ROBO1: variants seen among roughly 807,000 people sequenced by gnomAD.
The protein encoded by ROBO1 is roundabout guidance receptor 1.
In ROBO1, 149 loss-of-function variants were observed where a neutral mutation model predicts 195.9. That is an observed-to-expected ratio of 0.76 (90% CI 0.67 to 0.87). The LOEUF (loss-of-function observed/expected upper bound fraction) is 0.87. Ranked by LOEUF, ROBO1 falls within the 40% of genes least tolerant of loss-of-function variation. The pLI is 0.00. For missense variants in ROBO1, 1,933 were observed against 2,068.3 expected (o/e 0.93, Z 1.27); for synonymous variants, 816 against 733.2 (o/e 1.11, Z -1.82).
intron 1 of ROBO1, among the ~76,000 whole-genome samples, chr3:79,630,052 A>G (rs1337216759): frequency 1.3e-5 from 2 of 152,056 alleles, no homozygotes; most frequent in African/African-American, 2.4e-5. Context: ...ATTTTACAAG[A>G]TATACAATAA....
At chr3:79,169,655 T>C (rs1320314961) in intron 2 of ROBO1, among the ~76,000 whole-genome samples, 1 of 152,160 alleles carries the variant, frequency 6.6e-6, no homozygotes, top group Non-Finnish European at 1.5e-5. Flanking sequence ...GTGGTTAAAT[T>C]GTGTAAGTAC....
chr3:79,758,918 G>C (rs1704550368), intron 1 of ROBO1, among the ~76,000 whole-genome samples: 1 of 152,104 alleles, frequency 6.6e-6, no homozygotes, highest in Non-Finnish European at 1.5e-5. Context: ...TCCTTTATCA[G>C]AATTGTGACA....
At chr3:79,296,187 T>C (rs1048313292) in intron 2 of ROBO1, among the ~76,000 whole-genome samples, 2 of 152,156 alleles carry the variant, frequency 1.3e-5, no homozygotes, top group African/African-American at 2.4e-5. Context: ...TGTCAAAAAA[T>C]TTCTTATAAG....
At chr3:79,354,015 A>T (rs2109276835) in intron 2 of ROBO1, among the ~76,000 whole-genome samples, 1 of 152,052 alleles carries the variant, frequency 6.6e-6, no homozygotes, top group Non-Finnish European at 1.5e-5. Context: ...ATTGCACTCC[A>T]GCCTGGGCGA....
chr3:79,029,254 C>A (rs887619832), intron 3 of ROBO1, among the ~76,000 whole-genome samples: 1 of 151,836 alleles, frequency 6.6e-6, no homozygotes, highest in African/African-American at 2.4e-5. Flanking sequence ...CTTAGTTATC[C>A]CCTTTTTCCT....
chr3:79,279,828 CAT>C (rs1026613158), intron 2 of ROBO1, among the ~76,000 whole-genome samples: 19 of 151,362 alleles, frequency 1.3e-4, no homozygotes, highest in African/African-American at 4.6e-4. Flanking sequence ...GAAGGTATCA[CAT>C]GTGTTGTTGT....
chr3:78,694,493 T>C (rs527923109), intron 8 of ROBO1, among the ~76,000 whole-genome samples: 1 of 152,330 alleles, frequency 6.6e-6, no homozygotes, highest in African/African-American at 2.4e-5. Flanking sequence ...TTTTAATTCA[T>C]ACGTTCCCTT....
intron 5 of ROBO1, among the ~76,000 whole-genome samples, chr3:78,737,016 A>G (rs1463551214): frequency 6.6e-6 from 1 of 152,168 alleles, no homozygotes; most frequent in Non-Finnish European, 1.5e-5. Context: ...TTGATTCATT[A>G]CACATGGTGG....
rs537393648 is a variant in ROBO1, at chr3:79,386,228, C to A, written c.88+203596G>T. On this transcript the variant is annotated intron_variant, in intron 2 of 30. Transcript: ENST00000464233. ...AAAATGGAAAACAACTTACTGTGAA[C>A]GTCAGTTCGATAGAACTCTAGGGAG... is the stretch of plus-strand genomic sequence containing the variant. Among the ~76,000 whole-genome samples, 8 of 152,108 alleles carry A rather than the reference C, an allele frequency of 5.3e-5. No homozygotes were observed. In the South Asian group the frequency reaches 1.7e-3, roughly 32 times the overall value.
At chr3:78,621,731 A>G (rs574885044) in intron 26 of ROBO1, among the ~76,000 whole-genome samples, 1 of 152,242 alleles carries the variant, frequency 6.6e-6, no homozygotes, top group Non-Finnish European at 1.5e-5. Flanking sequence ...GAAATAATGT[A>G]TAAGTATATG....
chr3:79,512,740 A>T (rs1439582093), intron 2 of ROBO1: 1 of 152,200 alleles, frequency 6.6e-6, no homozygotes, highest in Non-Finnish European at 1.5e-5. Flanking sequence ...ACTTACAGGG[A>T]AAACCTGGTG....
chr3:79,761,432 A>G (rs986970596), intron 1 of ROBO1, among the ~76,000 whole-genome samples: 2 of 152,118 alleles, frequency 1.3e-5, no homozygotes, highest in African/African-American at 4.8e-5. Context: ...GGGAGATTCA[A>G]TCTGGAAGAG....
chr3:78,633,989 CGTATGATTGGTT>C lies in ROBO1; in HGVS notation c.3415_3426del (p.Asn1139_Tyr1142del). On this transcript the variant is annotated inframe_deletion, in exon 24 of 31. Coordinates refer to ENST00000464233, the MANE Select transcript of ROBO1 (RefSeq NM_002941.4). ...TTGTAGGATCCTCCTGTGTTCTGGT[CGTATGATTGGTT>C]GTATGGGATAGTTGGAGGAACTGTG... 1.2e-6 allele frequency: 2 copies of C among 1,612,670 alleles called. No homozygotes were observed. Among genetic ancestry groups the C allele is most frequent in the Non-Finnish European group, 1.7e-6 (2 of 1,179,174 alleles).
At chr3:79,096,127 T>G (rs1364922473) in intron 3 of ROBO1, among the ~76,000 whole-genome samples, 1 of 152,006 alleles carries the variant, frequency 6.6e-6, no homozygotes, top group African/African-American at 2.4e-5. Flanking sequence ...TCATTTTATA[T>G]TTGGATAAAT....
intron 2 of ROBO1, among the ~76,000 whole-genome samples, chr3:79,402,520 A>G (rs919850819): frequency 1.3e-5 from 2 of 151,946 alleles, no homozygotes; most frequent in African/African-American, 4.8e-5. Flanking sequence ...ACTAATAATA[A>G]TAAGTACCCC....
intron 2 of ROBO1, among the ~76,000 whole-genome samples, chr3:79,158,128 C>G (rs2080891407): frequency 6.6e-6 from 1 of 151,548 alleles, no homozygotes; most frequent in African/African-American, 2.4e-5. Context: ...AACACTCCTG[C>G]CAAAAACAAT....
At chr3:79,408,346 TTTTAA>T (rs2037633608) in intron 2 of ROBO1, among the ~76,000 whole-genome samples, 1 of 152,082 alleles carries the variant, frequency 6.6e-6, no homozygotes, top group Admixed American at 6.6e-5. Flanking sequence ...GTGCCTATAC[TTTTAA>T]TTGAATTTAT....
chr3:78,887,366 C>T (rs2036628121), intron 4 of ROBO1, among the ~76,000 whole-genome samples: 1 of 152,088 alleles, frequency 6.6e-6, no homozygotes, highest in Non-Finnish European at 1.5e-5. Flanking sequence ...TCTCTTGCCC[C>T]TCCAATGCTC....
chr3:79,063,506 A>C (rs2078955082), intron 3 of ROBO1, among the ~76,000 whole-genome samples: 1 of 45,960 alleles, frequency 2.2e-5, no homozygotes, highest in South Asian at 1.4e-3. Flanking sequence ...GAGTTTTCTC[A>C]TTCCAAAAAA....
Sources: allele counts gnomAD v4.1 joint callset (sites outside exome capture counted in the v4.1 genomes callset), GRCh38; gene constraint gnomAD v4.1.1; transcripts MANE v1.5; gene names NCBI Gene and HGNC (gene_info 2026-07-23, HGNC 2026-07-21).